Variants in ADGRB3 observed in about 807,000 individuals in gnomAD.
ADGRB3 encodes adhesion G protein-coupled receptor B3, also known as brain-specific angiogenesis inhibitor 3.
ADGRB3 carries 37 observed loss-of-function variants against 193.4 expected under a neutral mutation model. That is an observed-to-expected ratio of 0.19 (90% CI 0.15 to 0.25). The LOEUF is 0.25. Ranked by LOEUF, ADGRB3 falls within the 10% of genes least tolerant of loss-of-function variation. The probability of loss-of-function intolerance (pLI) is 1.00; values close to 1 mark genes in which losing one functional copy is unlikely to be tolerated. For missense variants in ADGRB3, 1,637 were observed against 1,852.9 expected (o/e 0.88, Z 2.14); for synonymous variants, 690 against 644.2 (o/e 1.07, Z -1.08).
At chr6:68,863,122 G>A (rs925305166) in intron 3 of ADGRB3, among the ~76,000 whole-genome samples, 3 of 151,990 alleles carry the variant, frequency 2.0e-5, no homozygotes, top group African/African-American at 7.2e-5. Context: ...CAAAGTGTTT[G>A]CCACTTATCT....
intron 3 of ADGRB3, among the ~76,000 whole-genome samples, chr6:68,852,992 C>T (rs1768436776): frequency 1.3e-5 from 2 of 152,024 alleles, no homozygotes; most frequent in Non-Finnish European, 2.9e-5. Flanking sequence ...ATATACTGCT[C>T]AGCAGCAAAA....
intron 20 of ADGRB3, among the ~76,000 whole-genome samples, chr6:69,257,332 C>T (rs1323450751): frequency 2.0e-5 from 3 of 152,100 alleles, no homozygotes; most frequent in South Asian, 2.1e-4. Context: ...CCATCTGGTC[C>T]TGGACTCTTT....
At chr6:68,997,812 G>A (rs1228565559) in intron 11 of ADGRB3, among the ~76,000 whole-genome samples, 1 of 151,898 alleles carries the variant, frequency 6.6e-6, no homozygotes, top group Non-Finnish European at 1.5e-5. Flanking sequence ...TTTGGCCTAT[G>A]GAGGAAACTC....
At chr6:69,294,775 G>GTTGT (rs1479266889) in intron 20 of ADGRB3, among the ~76,000 whole-genome samples, 1 of 152,018 alleles carries the variant, frequency 6.6e-6, no homozygotes, top group Non-Finnish European at 1.5e-5. Flanking sequence ...TTTTGTTGTT[G>GTTGT]TTGTTTGTTT....
At chr6:68,676,158 T>C (rs1025497602) in intron 3 of ADGRB3, among the ~76,000 whole-genome samples, 16 of 152,052 alleles carry the variant, frequency 1.1e-4, no homozygotes, top group African/African-American at 3.6e-4. Context: ...TTTGGGAGGC[T>C]GAGACGGGCG....
chr6:69,150,636 A>T (rs2150341161), intron 17 of ADGRB3, among the ~76,000 whole-genome samples: 1 of 152,314 alleles, frequency 6.6e-6, no homozygotes, highest in African/African-American at 2.4e-5. Context: ...GCTGCAAGAC[A>T]CATTTCCCTT....
intron 20 of ADGRB3, among the ~76,000 whole-genome samples, chr6:69,264,747 C>T (rs1420480126): frequency 6.6e-6 from 1 of 151,764 alleles, no homozygotes; most frequent in African/African-American, 2.4e-5. Context: ...AATGAGAGTT[C>T]TTTTCAACAT....
chr6:68,968,499 A>G (rs968906092), intron 8 of ADGRB3, among the ~76,000 whole-genome samples: 2 of 152,236 alleles, frequency 1.3e-5, no homozygotes, highest in African/African-American at 2.4e-5. Flanking sequence ...AAGTTCACCA[A>G]TGGAACTAAA....
At chr6:68,935,494 T>C (rs1767463247) in intron 4 of ADGRB3, among the ~76,000 whole-genome samples, 2 of 152,218 alleles carry the variant, frequency 1.3e-5, no homozygotes, top group Non-Finnish European at 2.9e-5. Context: ...CTCTTTGATC[T>C]ACTAATCAGT....
At chr6:69,073,473 A>G (rs1305649511) in intron 16 of ADGRB3, among the ~76,000 whole-genome samples, 2 of 151,194 alleles carry the variant, frequency 1.3e-5, no homozygotes, top group East Asian at 1.9e-4. Context: ...GAAGGGTGAG[A>G]AAAAAAAATG....
intron 17 of ADGRB3, among the ~76,000 whole-genome samples, chr6:69,092,279 A>G (rs1772732153): frequency 6.6e-6 from 1 of 152,222 alleles, no homozygotes; most frequent in African/African-American, 2.4e-5. Context: ...TCTAGTGTTC[A>G]GATCATTTCC....
chr6:69,185,741 A>G (rs1765052990), intron 17 of ADGRB3, among the ~76,000 whole-genome samples: 1 of 152,176 alleles, frequency 6.6e-6, no homozygotes, highest in Admixed American at 6.6e-5. Context: ...CATACTTATC[A>G]TTGACTTTTA....
intron 24 of ADGRB3, among the ~76,000 whole-genome samples, chr6:69,333,430 C>T (rs1489605470): frequency 6.6e-6 from 1 of 151,940 alleles, no homozygotes; most frequent in African/African-American, 2.4e-5. Context: ...ACTATATTTT[C>T]TTTGACTAAT....
chr6:69,217,144 AGTGGGTG>A (rs1181068109), intron 17 of ADGRB3, among the ~76,000 whole-genome samples: 10 of 152,278 alleles, frequency 6.6e-5, no homozygotes, highest in Non-Finnish European at 1.5e-4. Flanking sequence ...TTGAGTCCTG[AGTGGGTG>A]GCGCAGATGT....
At chr6:68,964,238 C>T (rs761253906) in intron 8 of ADGRB3, among the ~76,000 whole-genome samples, 18 of 152,070 alleles carry the variant, frequency 1.2e-4, no homozygotes, top group Non-Finnish European at 2.1e-4. Flanking sequence ...ATATATGTTT[C>T]TATAGCGAGT....
intron 1 of ADGRB3, among the ~76,000 whole-genome samples, chr6:68,636,449 TAAATA>T (rs1767955211): frequency 9.9e-6 from 1 of 100,678 alleles, no homozygotes; most frequent in Non-Finnish European, 2.2e-5. Flanking sequence ...AAGAGATAAA[TAAATA>T]AATAAATAAA....
intron 29 of ADGRB3, 85 bp from the exon 30 acceptor site, chr6:69,372,321 G>T: frequency 2.7e-6 from 2 of 737,578 alleles, no homozygotes; most frequent in South Asian, 4.4e-5. Context: ...TATCTTTAAT[G>T]AAAATGATGA....
intron 3 of ADGRB3, among the ~76,000 whole-genome samples, chr6:68,754,034 T>C (rs1020483663): frequency 6.6e-6 from 1 of 152,192 alleles, no homozygotes; most frequent in Non-Finnish European, 1.5e-5. Flanking sequence ...GGGTGAGTTC[T>C]GTAAAAGAGC....
At chr6:68,678,336 G>A (rs980128087) in intron 3 of ADGRB3, among the ~76,000 whole-genome samples, 1 of 152,114 alleles carries the variant, frequency 6.6e-6, no homozygotes, top group Admixed American at 6.5e-5. Context: ...CAGTGGCTTT[G>A]ATAAAAACAG....
Sources: allele counts gnomAD v4.1 joint callset (sites outside exome capture counted in the v4.1 genomes callset), GRCh38; gene constraint gnomAD v4.1.1; transcripts MANE v1.5; gene names NCBI Gene and HGNC (gene_info 2026-07-23, HGNC 2026-07-21).